TMEM132B: variants seen among roughly 807,000 people sequenced by gnomAD.
The protein encoded by TMEM132B is transmembrane protein 132B.
A neutral mutation model predicts 90.8 loss-of-function variants in TMEM132B; 18 were observed. That is an observed-to-expected ratio of 0.20 (90% CI 0.14 to 0.29). TMEM132B has a LOEUF of 0.29. Ranked by LOEUF, TMEM132B falls within the 10% of genes least tolerant of loss-of-function variation. TMEM132B has a pLI of 1.00. For missense variants in TMEM132B, 1,096 were observed against 1,326.8 expected (o/e 0.83, Z 2.70); for synonymous variants, 504 against 523.3 (o/e 0.96, Z 0.50).
intron 2 of TMEM132B, among the ~76,000 whole-genome samples, chr12:125,364,796 A>G (rs1191811597): frequency 2.6e-5 from 4 of 151,816 alleles, no homozygotes; most frequent in African/African-American, 4.8e-5. Flanking sequence ...TCATTTTAAG[A>G]TGTTTTGTTG....
chr12:125,187,454 C>T (rs1415676456), intron 1 of TMEM132B, among the ~76,000 whole-genome samples: 1 of 152,210 alleles, frequency 6.6e-6, no homozygotes, highest in Non-Finnish European at 1.5e-5. Flanking sequence ...AAAGAGCAGC[C>T]CGCTGCGCGC....
chr12:125,569,611 T>C (rs1038426142), intron 4 of TMEM132B, among the ~76,000 whole-genome samples: 1 of 152,166 alleles, frequency 6.6e-6, no homozygotes, highest in African/African-American at 2.4e-5. Context: ...AAGACTCTTC[T>C]GGTGGTAACA....
chr12:125,425,209 T>A (rs988815893), intron 3 of TMEM132B, among the ~76,000 whole-genome samples: 2 of 152,230 alleles, frequency 1.3e-5, no homozygotes, highest in African/African-American at 4.8e-5. Flanking sequence ...TTGGTTGTTT[T>A]AAGCCATTGA....
At chr12:125,235,654 C>T (rs77696372) in intron 1 of TMEM132B, among the ~76,000 whole-genome samples, 8 of 152,020 alleles carry the variant, frequency 5.3e-5, no homozygotes, top group African/African-American at 1.7e-4. Context: ...ATCACTGATC[C>T]GCTCTCTGTC....
At chr12:125,324,334 A>G (rs1876503255) in intron 1 of TMEM132B, among the ~76,000 whole-genome samples, 1 of 152,148 alleles carries the variant, frequency 6.6e-6, no homozygotes, top group Non-Finnish European at 1.5e-5. Context: ...AGGTGCAAGT[A>G]GAATTACTGC....
chr12:125,244,663 G>GACCTTCC (rs1718221058), intron 1 of TMEM132B, among the ~76,000 whole-genome samples: 1 of 152,214 alleles, frequency 6.6e-6, no homozygotes, highest in Admixed American at 6.5e-5. Context: ...ATGGTAAGGA[G>GACCTTCC]ACCTTCCTCC....
At chr12:125,551,377 G>C (rs1461663717) in intron 4 of TMEM132B, among the ~76,000 whole-genome samples, 1 of 152,050 alleles carries the variant, frequency 6.6e-6, no homozygotes, top group Non-Finnish European at 1.5e-5. Context: ...CCACTTTCTA[G>C]CTCTAGCTTA....
At chr12:125,575,591 T>A (rs780745832) in intron 4 of TMEM132B, among the ~76,000 whole-genome samples, 2 of 152,108 alleles carry the variant, frequency 1.3e-5, no homozygotes, top group African/African-American at 2.4e-5. Context: ...TCTATTTTTC[T>A]TTGTTGGTTG....
At chr12:125,224,168 AT>A (rs1873624943) in intron 1 of TMEM132B, among the ~76,000 whole-genome samples, 1 of 152,088 alleles carries the variant, frequency 6.6e-6, no homozygotes. Context: ...GATATACCAC[AT>A]TTTTTAATCC....
intron 2 of TMEM132B, among the ~76,000 whole-genome samples, chr12:125,389,732 A>G (rs1475997273): frequency 6.6e-6 from 1 of 152,148 alleles, no homozygotes; most frequent in Admixed American, 6.6e-5. Context: ...AGACCTGTGG[A>G]CATGTGGCAG....
intron 5 of TMEM132B, among the ~76,000 whole-genome samples, chr12:125,612,959 A>T (rs1232091026): frequency 8.9e-5 from 1 of 11,240 alleles, no homozygotes; most frequent in African/African-American, 4.0e-4. Flanking sequence ...TTATATATTA[A>T]AAATATATAT....
intron 2 of TMEM132B, among the ~76,000 whole-genome samples, chr12:125,377,790 A>G (rs1293147318): frequency 6.6e-6 from 1 of 152,118 alleles, no homozygotes; most frequent in East Asian, 1.9e-4. Context: ...TAGAGCCTGC[A>G]ACTCTGGCTG....
At chr12:125,604,100 A>G (rs1425004892) in intron 5 of TMEM132B, among the ~76,000 whole-genome samples, 5 of 152,258 alleles carry the variant, frequency 3.3e-5, no homozygotes, top group Admixed American at 6.5e-5. Flanking sequence ...TACTGGGTAT[A>G]TACCTAAAGG....
chr12:125,541,362 G>A (rs1883952242), intron 4 of TMEM132B, among the ~76,000 whole-genome samples: 1 of 152,138 alleles, frequency 6.6e-6, no homozygotes, highest in South Asian at 2.1e-4. Flanking sequence ...GATTCTGTCT[G>A]TCCTGACACT....
chr12:125,509,190 A>G (rs890145391), intron 3 of TMEM132B, among the ~76,000 whole-genome samples: 2 of 152,208 alleles, frequency 1.3e-5, no homozygotes, highest in African/African-American at 4.8e-5. Flanking sequence ...ATGTGCATGT[A>G]TGAATGCACA....
At chr12:125,589,387 C>A (rs1885263965) in intron 5 of TMEM132B, among the ~76,000 whole-genome samples, 1 of 143,382 alleles carries the variant, frequency 7.0e-6, no homozygotes, top group Admixed American at 7.5e-5. Flanking sequence ...GAGGCTGAGG[C>A]AGGAGAATGG....
intron 3 of TMEM132B, among the ~76,000 whole-genome samples, chr12:125,449,577 T>C (rs1881095725): frequency 6.6e-6 from 1 of 152,222 alleles, no homozygotes; most frequent in Admixed American, 6.5e-5. Context: ...ATTTCATTGA[T>C]TTTACTTTTA....
chr12:125,560,859 AAGTC>A (rs1884507812), intron 4 of TMEM132B, among the ~76,000 whole-genome samples: 3 of 149,580 alleles, frequency 2.0e-5, no homozygotes. Context: ...AAAAAAAAAA[AAGTC>A]AGGAAACAAC....
chr12:125,401,850 A>G (rs1879330495), intron 2 of TMEM132B, among the ~76,000 whole-genome samples: 1 of 152,188 alleles, frequency 6.6e-6, no homozygotes, highest in South Asian at 2.1e-4. Flanking sequence ...TCCTTGAGAA[A>G]TGAAATAAAG....
Sources: gnomAD v4.1 joint callset for allele counts (sites outside exome capture counted in the v4.1 genomes callset) on GRCh38, gnomAD v4.1.1 for gene constraint, MANE v1.5 for transcripts, NCBI Gene and HGNC (gene_info 2026-07-23, HGNC 2026-07-21) for gene names.